The following ROBO1 variants were observed in gnomAD, a reference collection of about 807,000 sequenced individuals.
ROBO1 encodes roundabout homolog 1.
Under a neutral mutation model 195.9 loss-of-function variants are expected in ROBO1, and 149 were observed. The observed-to-expected ratio is 0.76, with a 90% CI of 0.67 to 0.87. ROBO1 has a LOEUF of 0.87. Ranked by LOEUF, ROBO1 falls within the 40% of genes least tolerant of loss-of-function variation. The pLI is 0.00. For missense variants in ROBO1, 1,933 were observed against 2,068.3 expected, an observed-to-expected ratio of 0.93 and a Z score of 1.27; for synonymous variants, 816 against 733.2, an observed-to-expected ratio of 1.11 and a Z score of -1.82.
chr3:78,729,237 A>G (rs1437157996), intron 5 of ROBO1, among the ~76,000 whole-genome samples: 1 of 152,254 alleles, frequency 6.6e-6, no homozygotes, highest in Non-Finnish European at 1.5e-5. Context: ...TACATCAGGA[A>G]GAGCTGTGTT....
At position 79,495,213 on chromosome 3, in the gene ROBO1, A is replaced by T. The variant is rs1282555047; in HGVS notation, c.88+94611T>A. 2.0e-5 allele frequency among the ~76,000 whole-genome samples: 3 copies of T among 152,214 alleles called. No homozygotes were observed. In the South Asian group the frequency reaches 6.2e-4, roughly 32 times the overall value. The stretch of plus-strand genomic sequence containing the variant: ...ATCATATGGTAATTGGGACAAAGAA[A>T]GAGCAGATCTCATTCAAGAGGGCAA... On this transcript the variant is annotated intron_variant, in intron 2 of 30. Transcript: ENST00000464233.
At position 78,614,587 on chromosome 3, in the gene ROBO1, T is replaced by C; in HGVS notation, c.4435+61A>G. 1.9e-6 allele frequency: 3 copies of C among 1,575,058 alleles called. 1 individual carries two copies. In the South Asian group the frequency reaches 3.5e-5, roughly 18 times the overall value. ...CGTCAGTGAATGCATTTGCTAGTCC[T>C]AGAGAGGCAGGGTAAATAGGCGAGA... On this transcript the variant is annotated intron_variant, in intron 28 of 30. Transcript: ENST00000464233.
intron 8 of ROBO1, chr3:78,693,422 AAAGT>A (rs2081219577): frequency 9.4e-6 from 11 of 1,173,504 alleles, no homozygotes; most frequent in Non-Finnish European, 1.1e-5. Flanking sequence ...ATGAAACAGA[AAAGT>A]AATAAGATTT....
chr3:78,672,134 G>A (rs1708096847), intron 10 of ROBO1, among the ~76,000 whole-genome samples: 1 of 152,102 alleles, frequency 6.6e-6, no homozygotes, highest in Non-Finnish European at 1.5e-5. Context: ...AAATAGCTCA[G>A]GCAGGGTATT....
At chr3:79,284,242 A>G (rs2109010623) in intron 2 of ROBO1, among the ~76,000 whole-genome samples, 1 of 152,106 alleles carries the variant, frequency 6.6e-6, no homozygotes, top group Admixed American at 6.6e-5. Context: ...TGGGAGAGGG[A>G]GACCTTAAAT....
intron 3 of ROBO1, among the ~76,000 whole-genome samples, chr3:78,978,698 G>A (rs962988674): frequency 6.6e-6 from 1 of 152,074 alleles, no homozygotes; most frequent in Non-Finnish European, 1.5e-5. Context: ...TATTCTGCAC[G>A]ATTAAAAGGA....
intron 2 of ROBO1, among the ~76,000 whole-genome samples, chr3:79,401,410 G>T (rs2037360769): frequency 6.6e-6 from 1 of 151,606 alleles, no homozygotes; most frequent in Admixed American, 6.6e-5. Flanking sequence ...GTATTCTGAG[G>T]GTAGACATTA....
chr3:79,120,219 G>A (rs1357424695), intron 3 of ROBO1, among the ~76,000 whole-genome samples: 2 of 152,136 alleles, frequency 1.3e-5, no homozygotes, highest in Non-Finnish European at 2.9e-5. Context: ...AATTAGGAGA[G>A]AAAAACAAGA....
chr3:79,658,501 C>T (rs974130875), intron 1 of ROBO1, among the ~76,000 whole-genome samples: 62 of 152,130 alleles, frequency 4.1e-4, no homozygotes, highest in African/African-American at 1.3e-3. Context: ...GTCATTGCAG[C>T]TTCACTTAAC....
rs115761160 is a variant in ROBO1, at chr3:79,670,647, G to A, written c.-50-80686C>T. On this transcript the variant is annotated intron_variant, in intron 1 of 30. Coordinates refer to ENST00000464233, the MANE Select transcript of ROBO1 (RefSeq NM_002941.4). ...AAATGGCACACATTCACTTAATAAC[G>A]TTAACTTTTAGGTAAACATTGGCAT... is the stretch of plus-strand genomic sequence containing the variant. Among the ~76,000 whole-genome samples the A allele has an allele frequency of 7.2e-3, 1,098 of 151,764 alleles. 17 individuals carry two copies. Among genetic ancestry groups the A allele is most frequent in the African/African-American group, 0.025 (1,041 of 41,436 alleles).
intron 3 of ROBO1, among the ~76,000 whole-genome samples, chr3:79,089,802 T>C (rs116670048): frequency 6.6e-6 from 1 of 152,348 alleles, no homozygotes; most frequent in Non-Finnish European, 1.5e-5. Context: ...TTGATACATT[T>C]GCTTTTCATA....
chr3:78,949,854 T>C (rs1429690189), intron 3 of ROBO1, among the ~76,000 whole-genome samples: 10 of 152,212 alleles, frequency 6.6e-5, no homozygotes, highest in East Asian at 5.8e-4. Context: ...GGGCGAAGGA[T>C]ATGAACAGAC....
intron 2 of ROBO1, among the ~76,000 whole-genome samples, chr3:79,395,873 A>C (rs2037136842): frequency 6.6e-6 from 1 of 152,038 alleles, no homozygotes; most frequent in South Asian, 2.1e-4. Flanking sequence ...CAATATTATA[A>C]ATATATTATG....
At chr3:79,080,576 T>C (rs1213611330) in intron 3 of ROBO1, among the ~76,000 whole-genome samples, 6 of 152,070 alleles carry the variant, frequency 3.9e-5, no homozygotes, top group African/African-American at 1.4e-4. Flanking sequence ...TAAAAATGCA[T>C]AAAAATGGAC....
intron 1 of ROBO1, among the ~76,000 whole-genome samples, chr3:79,733,012 C>A (rs1319825676): frequency 6.6e-6 from 1 of 152,212 alleles, no homozygotes; most frequent in Non-Finnish European, 1.5e-5. Flanking sequence ...ACCGCCATAG[C>A]AGTCCCCAAA....
intron 25 of ROBO1, among the ~76,000 whole-genome samples, chr3:78,630,275 C>T (rs1373977047): frequency 1.3e-5 from 2 of 152,168 alleles, no homozygotes; most frequent in Non-Finnish European, 2.9e-5. Flanking sequence ...TCAACATTTG[C>T]TAACTCACTG....
intron 3 of ROBO1, among the ~76,000 whole-genome samples, chr3:79,071,283 T>C (rs932663211): frequency 6.6e-6 from 1 of 152,036 alleles, no homozygotes; most frequent in East Asian, 1.9e-4. Flanking sequence ...TTAAAACATA[T>C]GTATTTCATT....
intron 3 of ROBO1, among the ~76,000 whole-genome samples, chr3:78,976,409 C>T (rs1359216250): frequency 1.3e-5 from 2 of 152,144 alleles, no homozygotes; most frequent in South Asian, 2.1e-4. Flanking sequence ...TCCACTGTGC[C>T]GGTGAGTCTT....
chr3:79,533,810 G>C (rs4998491), intron 2 of ROBO1, among the ~76,000 whole-genome samples: 86,869 of 151,956 alleles, frequency 0.57, 24,954 homozygotes, highest in Non-Finnish European at 0.6. Context: ...AAATCAATGT[G>C]TAATAGAGGC....
Sources: gnomAD v4.1 joint callset for allele counts (sites outside exome capture counted in the v4.1 genomes callset) on GRCh38, gnomAD v4.1.1 for gene constraint, MANE v1.5 for transcripts, NCBI Gene and HGNC (gene_info 2026-07-23, HGNC 2026-07-21) for gene names.